The following ZNF208 variants were observed in gnomAD, a reference collection of about 807,000 sequenced individuals.
ZNF208 encodes zinc finger protein 208.
Under a neutral mutation model 12.1 loss-of-function variants are expected in ZNF208, and 10 were observed. The ratio of observed to expected loss-of-function variants is 0.83; its 90% CI spans 0.51 to 1.40. The LOEUF is 1.40. Among genes scored for constraint, ZNF208 ranks in the 40% most tolerant of loss-of-function variants. The pLI is 0.00. For synonymous variants in ZNF208, 497 were observed against 488.4 expected, an observed-to-expected ratio of 1.02 and a Z score of -0.23; for missense variants, 1,652 against 1,485.0, an observed-to-expected ratio of 1.11 and a Z score of -1.85.
chr19:21,951,209 G>A (rs1969882310), intron 4 of ZNF208, among the ~76,000 whole-genome samples: 2 of 152,146 alleles, frequency 1.3e-5, no homozygotes, highest in South Asian at 2.1e-4. Context: ...ACATATTAAA[G>A]TAACCATGCC....
chr19:21,988,745 A>T (rs1568451713), intron 2 of ZNF208, 38 bp downstream of exon 2: 1 of 1,608,414 alleles, frequency 6.2e-7, no homozygotes, highest in Non-Finnish European at 8.5e-7. Flanking sequence ...TGAAACCTGT[A>T]GTGTATACTA....
In ZNF208 at chr19:21,988,911, T is replaced by C; in HGVS notation, c.4-2A>G. On this transcript the variant is annotated splice_acceptor_variant, in intron 1 of 3. Coordinates refer to ENST00000397126, the MANE Select transcript of ZNF208 (RefSeq NM_007153.3). LOFTEE classifies it high-confidence loss of function. ...CACATCCCTAAATGTCAATGATCCCTGGAAAACACAAACACACATATTTAT... is the reference window on the plus strand; with the variant it reads ...CACATCCCTAAATGTCAATGATCCCCGGAAAACACAAACACACATATTTAT... The C allele has an allele frequency of 6.2e-7, 1 of 1,613,626 alleles. No individual in the cohort carries two copies. Among genetic ancestry groups the C allele is most frequent in the Non-Finnish European group, 8.5e-7 (1 of 1,179,818 alleles).
At chr19:22,007,277 T>C (rs8108160) in intron 1 of ZNF208, among the ~76,000 whole-genome samples, 88,979 of 151,630 alleles carry the variant, frequency 0.59, 26,351 homozygotes, top group East Asian at 0.69. Context: ...CCCAGCACTT[T>C]AGGAGGCCGA....
chr19:21,952,639 A>G (rs1969908415), intron 4 of ZNF208, among the ~76,000 whole-genome samples: 1 of 151,864 alleles, frequency 6.6e-6, no homozygotes, highest in East Asian at 1.9e-4. Flanking sequence ...AGCAAAAAGG[A>G]TATACACCAA....
downstream of ZNF208, among the ~76,000 whole-genome samples, chr19:21,962,535 G>A (rs1286133773): frequency 1.3e-5 from 2 of 151,382 alleles, no homozygotes; most frequent in African/African-American, 4.9e-5. Flanking sequence ...GATCTTTCAG[G>A]GATTATATTT....
intron 4 of ZNF208, among the ~76,000 whole-genome samples, chr19:21,959,470 T>C (rs2145525952): frequency 6.6e-6 from 1 of 152,340 alleles, no homozygotes; most frequent in South Asian, 2.1e-4. Flanking sequence ...GCTGTTATAA[T>C]AGTGTTGAAG....
Position 21,972,339 on chromosome 19 carries a change from T to C in ZNF208, c.2695A>G (p.Ser899Gly), listed in dbSNP as rs1055057580. Residue 899 changes from serine to glycine, a missense_variant, in exon 4 of 4, where the codon AGT becomes GGT. By Grantham distance (56) the Ser-to-Gly change is moderately conservative (BLOSUM62 0). Transcript: ENST00000397126. ...TGTTTAGTAAGGATGGAGAACATAC[T>C]AAAACCTTTGCCACATTCTTCACAT... ...YKCEECGKGFSMFSILTKHEV... is the reference protein window; with the variant it reads ...YKCEECGKGFGMFSILTKHEV... 3.1e-6 allele frequency: 5 copies of C among 1,613,444 alleles called. No homozygotes were observed. Among genetic ancestry groups the C allele is most frequent in the African/African-American group, 1.3e-5 (1 of 74,878 alleles).
At position 21,972,456 on chromosome 19, in the gene ZNF208, G is replaced by T; in HGVS notation, c.2578C>A (p.Pro860Thr). The T allele has an allele frequency of 6.2e-7, 1 of 1,612,990 alleles. No individual in the cohort carries two copies. The highest frequency in any genetic ancestry group is 1.1e-5 in the South Asian group (1 of 91,018). ...TTGCCACATTCTTCACATTTGTAGG[G>T]TTTCTCTCCAGTATGAATTACCTTA... is the stretch of plus-strand genomic sequence containing the variant. ...KHKVIHTGEKPYKCEECGKAY... is the reference protein window; with the variant it reads ...KHKVIHTGEKTYKCEECGKAY... The change falls in exon 4 of 4, where the codon CCC becomes ACC. Residue 860 changes from proline (P) to threonine (T), a missense_variant. By Grantham distance (38) the Pro-to-Thr change is conservative. Coordinates refer to ENST00000397126, the MANE Select transcript of ZNF208 (RefSeq NM_007153.3).
chr19:21,980,584 T>C (rs188539082), intron 3 of ZNF208, among the ~76,000 whole-genome samples: 1 of 152,018 alleles, frequency 6.6e-6, no homozygotes, highest in Non-Finnish European at 1.5e-5. Context: ...CTAGAAAATA[T>C]ATAGCACTAA....
chr19:22,005,739 A>C (rs1392589904), intron 1 of ZNF208, among the ~76,000 whole-genome samples: 1 of 152,226 alleles, frequency 6.6e-6, no homozygotes, highest in Non-Finnish European at 1.5e-5. Context: ...AACACTAGTT[A>C]TACTTACTGG....
Position 21,973,258 on chromosome 19 carries a change from T to C in ZNF208, c.1776A>G (p.Gln592=), listed in dbSNP as rs866559415. ...KCEECGKAFN[Q]SAILIKHKRI... is the part of the protein sequence containing the mutation. ...TCTTATGTTTAATAAGAATTGCAGATTGGTTAAAAGCTTTGCCACATTCTT... is the reference window on the plus strand; with the variant it reads ...TCTTATGTTTAATAAGAATTGCAGACTGGTTAAAAGCTTTGCCACATTCTT... The change falls in exon 4 of 4, where the codon CAA becomes CAG. Residue 592 remains glutamine (Q), a synonymous_variant. Coordinates refer to ENST00000397126, the MANE Select transcript of ZNF208 (RefSeq NM_007153.3). 1.2e-6 allele frequency: 2 copies of C among 1,611,420 alleles called. No homozygotes were observed. The highest frequency in any genetic ancestry group is 1.7e-6 in the Non-Finnish European group (2 of 1,179,366).
Position 21,966,473 on chromosome 19 carries a change from G to A in ZNF208, c.*4718C>T, listed in dbSNP as rs1189981751. 1 of 152,080 alleles carries A rather than the reference G, an allele frequency of 6.6e-6. No individual in the cohort carries two copies. 9.4% of individuals were successfully genotyped at this position (152,080 alleles called of 1,614,324 possible). A position where few individuals can be genotyped will look rare whatever the true frequency, so the allele number is the denominator to read the frequency against. On this transcript the variant is annotated 3_prime_UTR_variant, in exon 4 of 4. Transcript: ENST00000397126. ...CTGTTGCTGCATAGTATTGGAGGTT[G>A]TATAAGTACATCATTTTTCTTATCC... is the stretch of plus-strand genomic sequence containing the variant.
intron 1 of ZNF208, among the ~76,000 whole-genome samples, chr19:22,010,304 T>C (rs568421506): frequency 1.9e-4 from 29 of 152,374 alleles, no homozygotes; most frequent in African/African-American, 6.0e-4. Context: ...ACCCCTTCAA[T>C]AGACCATTAA....
rs568191343 is a variant in ZNF208 at position 21,958,362 on chromosome 19, A to C, written c.305+16367T>G. Among the ~76,000 whole-genome samples, 6 of 152,272 alleles carry C rather than the reference A, an allele frequency of 3.9e-5. No individual in the cohort carries two copies. In the East Asian group the frequency reaches 1.2e-3, roughly 29 times the overall value. ...AAAAGATAGGGATGGGTAATGTAAAAATCTAAATCAATATTCTAGTTCTAA... is the reference window on the plus strand; with the variant it reads ...AAAAGATAGGGATGGGTAATGTAAACATCTAAATCAATATTCTAGTTCTAA... On this transcript the variant is annotated intron_variant, in intron 4 of 4. Transcript: ENST00000599916.
chr19:21,961,942 G>A (rs1970077551), downstream of ZNF208, among the ~76,000 whole-genome samples: 1 of 152,030 alleles, frequency 6.6e-6, no homozygotes, highest in African/African-American at 2.4e-5. Context: ...GTACAATACT[G>A]GTCCTGAGGT....
At chr19:22,010,491 C>T (rs1439717055) in intron 1 of ZNF208, among the ~76,000 whole-genome samples, 2 of 152,326 alleles carry the variant, frequency 1.3e-5, no homozygotes, top group African/African-American at 4.8e-5. Context: ...TCTCCTCTCA[C>T]GACCCTCTCA....
chr19:21,973,226 T>C lies in ZNF208; in HGVS notation c.1808A>G (p.His603Arg), dbSNP rs1300306249. The C allele has an allele frequency of 6.2e-7, 1 of 1,613,620 alleles. No homozygotes were observed. The highest frequency in any genetic ancestry group is 8.5e-7 in the Non-Finnish European group (1 of 1,179,926). Residue 603 changes from histidine (H) to arginine (R), a missense_variant, in exon 4 of 4, where the codon CAT becomes CGT. Coordinates refer to ENST00000397126, the MANE Select transcript of ZNF208 (RefSeq NM_007153.3). ...SAILIKHKRI[H>R]TGEKPYKCEE... ...ACATTTGTAGGGTTTCTCACCAGTA[T>C]GAATTCTCTTATGTTTAATAAGAAT...
rs960009412 is a variant in ZNF208 at position 21,970,484 on chromosome 19, GAATT to G, written c.*703_*706del. 2.0e-4 allele frequency among the ~76,000 whole-genome samples: 31 copies of G among 152,138 alleles called. No individual in the cohort carries two copies. The highest frequency in any genetic ancestry group is 3.2e-3 in the Middle Eastern group (1 of 316). On this transcript the variant is annotated 3_prime_UTR_variant, in exon 4 of 4. Transcript: ENST00000397126. ...TTCCCTTATGTTCAGTAAGCGTTGA[GAATT>G]AATTAATAGTTTTGCCACATTTTTC... is the stretch of plus-strand genomic sequence containing the variant.
chr19:21,976,778 C>T (rs1050293291), intron 3 of ZNF208, among the ~76,000 whole-genome samples: 1 of 152,164 alleles, frequency 6.6e-6, no homozygotes, highest in Admixed American at 6.5e-5. Context: ...CCAGGCTGGT[C>T]TTGAGCTCCT....
Sources: allele counts gnomAD v4.1 joint callset (sites outside exome capture counted in the v4.1 genomes callset), GRCh38; gene constraint gnomAD v4.1.1; transcripts MANE v1.5; gene names NCBI Gene and HGNC (gene_info 2026-07-23, HGNC 2026-07-21).